Variants in NOS1AP observed in about 807,000 individuals in gnomAD.
NOS1AP encodes the protein carboxyl-terminal PDZ ligand of neuronal nitric oxide synthase protein.
Under a neutral mutation model 56.2 loss-of-function variants are expected in NOS1AP, and 21 were observed. The ratio of observed to expected loss-of-function variants is 0.37; its 90% CI spans 0.26 to 0.54. The LOEUF (loss-of-function observed/expected upper bound fraction) is 0.54, where lower values mean the gene tolerates loss of function less well. NOS1AP is among the 20% of genes least tolerant of loss of function. The pLI is 0.84. For missense variants in NOS1AP, 522 were observed against 657.8 expected, an observed-to-expected ratio of 0.79 and a Z score of 2.26; for synonymous variants, 270 against 274.6, an observed-to-expected ratio of 0.98 and a Z score of 0.17.
intron 2 of NOS1AP, among the ~76,000 whole-genome samples, chr1:162,259,170 A>G (rs963154776): frequency 6.6e-6 from 1 of 152,202 alleles, no homozygotes; most frequent in Non-Finnish European, 1.5e-5. Flanking sequence ...TTGTACTCTC[A>G]TCTTTTGTGA....
At chr1:162,163,703 G>A (rs1020162354) in intron 2 of NOS1AP, among the ~76,000 whole-genome samples, 3 of 152,080 alleles carry the variant, frequency 2.0e-5, no homozygotes, top group African/African-American at 4.8e-5. Context: ...AATGGGCTTC[G>A]CAGGTTCAAG....
intron 8 of NOS1AP, among the ~76,000 whole-genome samples, chr1:162,357,823 TTGC>T (rs149977284): frequency 0.017 from 2,603 of 152,064 alleles, 67 homozygotes; most frequent in African/African-American, 0.058. Flanking sequence ...CTGATTTCCC[TTGC>T]TGCTTTCAGC....
At chr1:162,246,255 G>A (rs1305862978) in intron 2 of NOS1AP, among the ~76,000 whole-genome samples, 1 of 152,152 alleles carries the variant, frequency 6.6e-6, no homozygotes. Flanking sequence ...GATACACACA[G>A]GAAATAAGAT....
At chr1:162,280,288 G>A (rs1654876011) in intron 2 of NOS1AP, among the ~76,000 whole-genome samples, 1 of 152,184 alleles carries the variant, frequency 6.6e-6, no homozygotes, top group Non-Finnish European at 1.5e-5. Context: ...TTTAGAAAAT[G>A]GATGACAACA....
At chr1:162,262,109 G>A (rs1200330760) in intron 2 of NOS1AP, among the ~76,000 whole-genome samples, 1 of 152,144 alleles carries the variant, frequency 6.6e-6, no homozygotes, top group Non-Finnish European at 1.5e-5. Flanking sequence ...TCTCTGGGTT[G>A]ATTTTTGTTT....
intron 2 of NOS1AP, among the ~76,000 whole-genome samples, chr1:162,248,892 T>C (rs1470494100): frequency 1.3e-5 from 2 of 152,158 alleles, no homozygotes; most frequent in Admixed American, 6.5e-5. Flanking sequence ...CAACTCTTCT[T>C]GTTTCCTTCT....
intron 4 of NOS1AP, among the ~76,000 whole-genome samples, chr1:162,325,483 G>A (rs550724662): frequency 2.2e-4 from 34 of 152,070 alleles, no homozygotes; most frequent in African/African-American, 3.1e-4. Context: ...GGAGACTCTC[G>A]TCAACCCACC....
chr1:162,301,701 G>A (rs532006352), intron 4 of NOS1AP, among the ~76,000 whole-genome samples: 6 of 152,304 alleles, frequency 3.9e-5, no homozygotes, highest in African/African-American at 1.4e-4. Flanking sequence ...CCTGGATCTC[G>A]GCAGACTAAG....
At chr1:162,113,471 T>TTA (rs1213075034) in intron 1 of NOS1AP, among the ~76,000 whole-genome samples, 1 of 152,076 alleles carries the variant, frequency 6.6e-6, no homozygotes, top group Non-Finnish European at 1.5e-5. Flanking sequence ...ACTGGGTAGT[T>TTA]TATAAAGAAA....
chr1:162,287,617 AG>A (rs1258557241), intron 3 of NOS1AP, among the ~76,000 whole-genome samples, 181 bp downstream of exon 3: 2 of 150,572 alleles, frequency 1.3e-5, no homozygotes, highest in African/African-American at 2.4e-5. Flanking sequence ...GCGAGGCCAA[AG>A]GCCTAGTCAC....
rs1159094414 is a variant in NOS1AP, at chr1:162,367,569, A to C, written c.*102A>C. On this transcript the variant is annotated 3_prime_UTR_variant, in exon 10 of 10. Coordinates refer to ENST00000361897, the MANE Select transcript of NOS1AP (RefSeq NM_014697.3). The surrounding 1 kb of genome is among the most constrained non-coding windows in gnomAD (Gnocchi z 6.5). ...CCAGTGAATGTGCACTGCCGAGGAG[A>C]ATGCCAGCCAGGGCCCGGGAGAGTG... 1 of 1,308,392 alleles carries C rather than the reference A, an allele frequency of 7.6e-7. No individual in the cohort carries two copies. The highest frequency in any genetic ancestry group is 1.0e-6 in the Non-Finnish European group (1 of 970,548). The allele number at this position is 1,308,392 out of a possible 1,614,324, so 81.0% of individuals were successfully genotyped here.
In NOS1AP at chr1:162,287,445, C is replaced by T; in HGVS notation, c.270+9C>T. On this transcript the variant is annotated intron_variant, in intron 3 of 9. Coordinates refer to ENST00000361897, the MANE Select transcript of NOS1AP (RefSeq NM_014697.3). ...TGAAGAAGAAGAAAAAGGTAAGTGG[C>T]TCTGAACCAGAATCTGAGGTGAAGA... 2 of 1,585,016 alleles carry T rather than the reference C, an allele frequency of 1.3e-6. No individual in the cohort carries two copies. Among genetic ancestry groups the T allele is most frequent in the East Asian group, 4.5e-5 (2 of 44,724 alleles).
intron 2 of NOS1AP, among the ~76,000 whole-genome samples, chr1:162,276,622 T>C (rs992988296): frequency 2.0e-5 from 3 of 152,034 alleles, no homozygotes; most frequent in African/African-American, 7.2e-5. Flanking sequence ...TTTTTAAGTT[T>C]CCCAGTTGGC....
Position 162,367,770 on chromosome 1 carries a change from G to A in NOS1AP, c.*303G>A, listed in dbSNP as rs374755150. The A allele has an allele frequency of 9.6e-4, 368 of 383,412 alleles. 2 individuals carry two copies. The highest frequency in any genetic ancestry group is 9.2e-4 in the Admixed American group (22 of 23,870). The allele number at this position is 383,412 out of a possible 1,614,324, so 23.8% of individuals were successfully genotyped here. A position where few individuals can be genotyped will look rare whatever the true frequency, so the allele number is the denominator to read the frequency against. On this transcript the variant is annotated 3_prime_UTR_variant, in exon 10 of 10. Coordinates refer to ENST00000361897, the MANE Select transcript of NOS1AP (RefSeq NM_014697.3). The surrounding 1 kb of genome is among the most constrained non-coding windows in gnomAD (Gnocchi z 6.5). ...TCTCTCCAGGACTGCCAGGCTGCTG[G>A]AGGACCTGCCCCTACCTGCTGCATC...
At chr1:162,280,847 T>C (rs144153569) in intron 2 of NOS1AP, among the ~76,000 whole-genome samples, 5 of 152,328 alleles carry the variant, frequency 3.3e-5, no homozygotes, top group Admixed American at 3.3e-4. Flanking sequence ...CTCATAGATA[T>C]TCTGGAATTT....
chr1:162,236,174 T>C (rs1474007870), intron 2 of NOS1AP, among the ~76,000 whole-genome samples: 3 of 152,250 alleles, frequency 2.0e-5, no homozygotes, highest in South Asian at 2.1e-4. Flanking sequence ...CCCATTCCTC[T>C]GGCTTCTTTC....
intron 2 of NOS1AP, among the ~76,000 whole-genome samples, chr1:162,193,732 C>T (rs930320528): frequency 2.6e-5 from 4 of 152,052 alleles, no homozygotes; most frequent in African/African-American, 9.7e-5. Context: ...GGAAAAGGGG[C>T]CCTTTTCAGA....
intron 1 of NOS1AP, among the ~76,000 whole-genome samples, chr1:162,105,951 C>A (rs1232893486): frequency 6.6e-6 from 1 of 152,222 alleles, no homozygotes; most frequent in Non-Finnish European, 1.5e-5. Flanking sequence ...GACTCAGCCC[C>A]CTTCCTAGGG....
chr1:162,149,112 C>T (rs945708), intron 1 of NOS1AP, among the ~76,000 whole-genome samples: 71,977 of 152,028 alleles, frequency 0.47, 18,410 homozygotes, highest in East Asian at 0.79. Flanking sequence ...CAGGCCAACC[C>T]AGCTCCATTG....
Sources: allele counts gnomAD v4.1 joint callset (sites outside exome capture counted in the v4.1 genomes callset), GRCh38; gene constraint gnomAD v4.1.1; non-coding constraint Gnocchi (gnomAD v3.1); transcripts MANE v1.5; gene names NCBI Gene and HGNC (gene_info 2026-07-23, HGNC 2026-07-21).